The following CACNB4 variants were observed in gnomAD, a reference collection of about 807,000 sequenced individuals.
CACNB4 encodes the protein calcium voltage-gated channel auxiliary subunit beta 4, also known as voltage-dependent L-type calcium channel subunit beta-4.
Under a neutral mutation model 71.2 loss-of-function variants are expected in CACNB4, and 32 were observed. The ratio of observed to expected loss-of-function variants is 0.45; its 90% confidence interval spans 0.34 to 0.60. The LOEUF (loss-of-function observed/expected upper bound fraction) is 0.60, where lower values mean the gene tolerates loss of function less well. Ranked by LOEUF, CACNB4 falls within the 20% of genes least tolerant of loss-of-function variation. The probability of loss-of-function intolerance (pLI) is 0.01; values close to 1 mark genes in which losing one functional copy is unlikely to be tolerated. For synonymous variants in CACNB4, 231 were observed against 236.9 expected (o/e 0.97, Z 0.23); for missense variants, 464 against 647.9 (o/e 0.72, Z 3.08).
chr2:151,903,741 T>C (rs1298772626), intron 2 of CACNB4, among the ~76,000 whole-genome samples: 2 of 152,176 alleles, frequency 1.3e-5, no homozygotes, highest in Non-Finnish European at 2.9e-5. Context: ...ATAAGGTAGG[T>C]ACATACTCTG....
At chr2:151,856,178 TAATC>T (rs1364501838) in intron 10 of CACNB4, among the ~76,000 whole-genome samples, 1 of 150,656 alleles carries the variant, frequency 6.6e-6, no homozygotes, top group Non-Finnish European at 1.5e-5. Context: ...GGAAAACAGA[TAATC>T]AACATAGGAC....
At chr2:152,067,068 G>A (rs58552941) in intron 2 of CACNB4, among the ~76,000 whole-genome samples, 2,060 of 149,848 alleles carry the variant, frequency 0.014, 39 homozygotes, top group African/African-American at 0.043. Flanking sequence ...TGGGTGCAGC[G>A]CACCAGCATG....
At chr2:151,992,469 C>T (rs1054636851) in intron 2 of CACNB4, among the ~76,000 whole-genome samples, 11 of 152,172 alleles carry the variant, frequency 7.2e-5, no homozygotes, top group East Asian at 3.8e-4. Context: ...AGCTTTGGGA[C>T]GTTGTTAGCA....
intron 2 of CACNB4, among the ~76,000 whole-genome samples, chr2:152,028,494 C>T (rs1288331299): frequency 6.6e-6 from 1 of 152,180 alleles, no homozygotes; most frequent in South Asian, 2.1e-4. Context: ...CCTTTCAATA[C>T]TTAACCTATA....
Position 151,833,865 on chromosome 2 carries a change from A to G in CACNB4, c.*5254T>C, listed in dbSNP as rs1364807475. On this transcript the variant is annotated 3_prime_UTR_variant, in exon 14 of 14. Coordinates refer to ENST00000539935, the MANE Select transcript of CACNB4 (RefSeq NM_000726.5). ...TATGTTTTTGCTACATTATTTTTCT[A>G]CTGCTAATGCAGATTATAAGTAACA... 6.6e-6 allele frequency: 1 copy of G among 152,072 alleles called. No homozygotes were observed. Among genetic ancestry groups the G allele is most frequent in the Admixed American group, 6.5e-5 (1 of 15,280 alleles). The allele number at this position is 152,072 out of a possible 1,614,324, so 9.4% of individuals were successfully genotyped here.
intron 2 of CACNB4, among the ~76,000 whole-genome samples, chr2:151,918,386 G>C (rs983419471): frequency 1.3e-5 from 2 of 152,174 alleles, no homozygotes; most frequent in African/African-American, 4.8e-5. Flanking sequence ...TTAACCTGTG[G>C]TTAGCAAGAG....
chr2:151,915,121 C>T (rs1240411986), intron 2 of CACNB4, among the ~76,000 whole-genome samples: 1 of 152,186 alleles, frequency 6.6e-6, no homozygotes, highest in African/African-American at 2.4e-5. Flanking sequence ...GCCACACCTC[C>T]CCCTAGAGGC....
chr2:151,938,390 T>C (rs1356732), intron 2 of CACNB4, among the ~76,000 whole-genome samples: 126,289 of 152,156 alleles, frequency 0.83, 54,842 homozygotes, highest in Non-Finnish European at 0.97. Flanking sequence ...TAGCCTCTGA[T>C]GAGTTATATG....
intron 12 of CACNB4, among the ~76,000 whole-genome samples, chr2:151,847,099 C>CAAAA (rs397766580): frequency 1.3e-4 from 10 of 79,752 alleles, no homozygotes; most frequent in East Asian, 3.6e-4. Context: ...AAACTGACAC[C>CAAAA]AAAAAAAAAA....
intron 12 of CACNB4, among the ~76,000 whole-genome samples, chr2:151,846,771 T>C (rs1397925423): frequency 6.6e-6 from 1 of 152,088 alleles, no homozygotes; most frequent in African/African-American, 2.4e-5. Context: ...CCCAGGCTCA[T>C]ATTGAACTCA....
intron 2 of CACNB4, among the ~76,000 whole-genome samples, chr2:151,956,966 C>T (rs566729281): frequency 2.0e-5 from 3 of 152,164 alleles, no homozygotes; most frequent in South Asian, 4.1e-4. Flanking sequence ...ACCAACAAGG[C>T]GAAACCCAGT....
At chr2:151,843,936 T>C (rs1219388544) in intron 12 of CACNB4, among the ~76,000 whole-genome samples, 1 of 152,162 alleles carries the variant, frequency 6.6e-6, no homozygotes, top group Non-Finnish European at 1.5e-5. Context: ...TGGCCTTAAA[T>C]TGGAAAGCCA....
intron 13 of CACNB4, among the ~76,000 whole-genome samples, chr2:151,840,813 A>T (rs1356232471): frequency 1.3e-5 from 2 of 152,098 alleles, no homozygotes; most frequent in Non-Finnish European, 2.9e-5. Context: ...TTAAAACAAA[A>T]CTCATCATGA....
At chr2:152,017,471 G>A (rs1434323174) in intron 2 of CACNB4, among the ~76,000 whole-genome samples, 1 of 144,292 alleles carries the variant, frequency 6.9e-6, no homozygotes, top group Non-Finnish European at 1.5e-5. Flanking sequence ...ATTTTGGGAG[G>A]CTGAGGCGGG....
In CACNB4 at chr2:151,841,419, T is replaced by C. The variant is rs556367477; in HGVS notation, c.1302+484A>G. On this transcript the variant is annotated intron_variant, in intron 13 of 13. Transcript: ENST00000539935. ...GAGACACTGACACTGTCTCTACAAT[T>C]TTTTTTTTTTAATTATCCATGTGTG... Among the ~76,000 whole-genome samples the C allele has an allele frequency of 2.2e-4, 33 of 150,290 alleles. 2 individuals are homozygous for C. The highest frequency in any genetic ancestry group is 7.3e-4 in the African/African-American group (30 of 41,006).
At chr2:152,000,689 T>G (rs1015636243) in intron 2 of CACNB4, among the ~76,000 whole-genome samples, 2 of 152,192 alleles carry the variant, frequency 1.3e-5, no homozygotes, top group African/African-American at 4.8e-5. Flanking sequence ...AAAGGAATCC[T>G]TAACTCCCCA....
At chr2:151,845,751 CACAGGGA>C (rs1434639210) in intron 12 of CACNB4, among the ~76,000 whole-genome samples, 1 of 152,164 alleles carries the variant, frequency 6.6e-6, no homozygotes, top group Non-Finnish European at 1.5e-5. Flanking sequence ...AAAGCATGGC[CACAGGGA>C]ACACCTTTGC....
intron 2 of CACNB4, among the ~76,000 whole-genome samples, chr2:152,075,671 A>G (rs1216538461): frequency 3.3e-5 from 5 of 152,252 alleles, no homozygotes; most frequent in Non-Finnish European, 4.4e-5. Flanking sequence ...TCAGCCACAC[A>G]CACAGACTCC....
chr2:152,017,765 T>A (rs978421110), intron 2 of CACNB4, among the ~76,000 whole-genome samples: 1 of 151,708 alleles, frequency 6.6e-6, no homozygotes, highest in Non-Finnish European at 1.5e-5. Flanking sequence ...AATAAAGCTC[T>A]CATATACTGT....
Sources: allele counts gnomAD v4.1 joint callset (sites outside exome capture counted in the v4.1 genomes callset), GRCh38; gene constraint gnomAD v4.1.1; transcripts MANE v1.5; gene names NCBI Gene and HGNC (gene_info 2026-07-23, HGNC 2026-07-21).